Variants in ADAMTSL1 observed in about 807,000 individuals in gnomAD.
The protein encoded by ADAMTSL1 is ADAMTS like 1.
In ADAMTSL1, 126 loss-of-function variants were observed where a neutral mutation model predicts 201.8. The observed-to-expected ratio is 0.62, with a 90% CI of 0.54 to 0.72. The LOEUF is 0.72. Among genes scored for constraint, ADAMTSL1 ranks in the 30% least tolerant of loss-of-function variants. ADAMTSL1 has a pLI of 0.00. For missense variants in ADAMTSL1, 2,679 were observed against 2,277.8 expected, an observed-to-expected ratio of 1.18 and a Z score of -3.59; for synonymous variants, 1,121 against 903.4, an observed-to-expected ratio of 1.24 and a Z score of -4.32.
At chr9:17,935,547 C>T (rs1205343543) in intron 1 of ADAMTSL1, among the ~76,000 whole-genome samples, 1 of 152,060 alleles carries the variant, frequency 6.6e-6, no homozygotes, top group Non-Finnish European at 1.5e-5. Context: ...GCTCCCACTC[C>T]CCCAAAAGCA....
chr9:18,218,757 A>G (rs1830146667), intron 2 of ADAMTSL1, among the ~76,000 whole-genome samples: 1 of 151,866 alleles, frequency 6.6e-6, no homozygotes, highest in Admixed American at 6.6e-5. Context: ...TATAAATGTA[A>G]TTTTAATAGG....
At chr9:18,899,289 A>T (rs926637090) in intron 26 of ADAMTSL1, among the ~76,000 whole-genome samples, 3 of 152,226 alleles carry the variant, frequency 2.0e-5, no homozygotes, top group Non-Finnish European at 4.4e-5. Flanking sequence ...TGCTCGAGGA[A>T]ATCAGAGAGG....
chr9:17,984,602 G>A (rs1338342134), intron 1 of ADAMTSL1, among the ~76,000 whole-genome samples: 1 of 152,054 alleles, frequency 6.6e-6, no homozygotes, highest in Non-Finnish European at 1.5e-5. Flanking sequence ...AGTTACTTGT[G>A]TGACTATTTC....
At chr9:18,373,731 A>G (rs1281165023) in intron 2 of ADAMTSL1, among the ~76,000 whole-genome samples, 1 of 152,182 alleles carries the variant, frequency 6.6e-6, no homozygotes, top group African/African-American at 2.4e-5. Flanking sequence ...TACAAAGGAC[A>G]TAGCGTTGTC....
chr9:18,624,947 A>T (rs1333955324), intron 5 of ADAMTSL1, among the ~76,000 whole-genome samples: 1 of 152,234 alleles, frequency 6.6e-6, no homozygotes, highest in Non-Finnish European at 1.5e-5. Context: ...ATTGATATCA[A>T]TAAAGCCCAC....
chr9:18,626,592 G>A (rs576078846), intron 5 of ADAMTSL1, among the ~76,000 whole-genome samples: 1 of 152,292 alleles, frequency 6.6e-6, no homozygotes, highest in South Asian at 2.1e-4. Flanking sequence ...CAGATATTGT[G>A]GGGTTTTTTG....
intron 12 of ADAMTSL1, 125 bp from the exon 13 acceptor site, chr9:18,684,591 T>C: frequency 1.9e-6 from 2 of 1,078,822 alleles, no homozygotes; most frequent in Non-Finnish European, 2.5e-6. Context: ...AGGCAGCAAT[T>C]TACCCAAAAA....
intron 2 of ADAMTSL1, among the ~76,000 whole-genome samples, chr9:18,428,622 A>C (rs1229249197): frequency 6.6e-6 from 1 of 152,158 alleles, no homozygotes; most frequent in East Asian, 1.9e-4. Flanking sequence ...AGAAAAAAAC[A>C]AAAAACAAGA....
At chr9:18,545,477 G>C (rs1418351243) in intron 3 of ADAMTSL1, among the ~76,000 whole-genome samples, 1 of 151,940 alleles carries the variant, frequency 6.6e-6, no homozygotes, top group Non-Finnish European at 1.5e-5. Flanking sequence ...TTTAAGAAAA[G>C]AGATATTCAA....
At chr9:18,307,990 A>G (rs1200538657) in intron 2 of ADAMTSL1, among the ~76,000 whole-genome samples, 2 of 152,104 alleles carry the variant, frequency 1.3e-5, no homozygotes, top group Non-Finnish European at 2.9e-5. Flanking sequence ...ATCATAACAA[A>G]CAGTCTTACA....
chr9:17,998,390 G>A (rs1238918368), intron 1 of ADAMTSL1, among the ~76,000 whole-genome samples: 3 of 151,970 alleles, frequency 2.0e-5, no homozygotes, highest in East Asian at 1.9e-4. Flanking sequence ...GGGTAGATAG[G>A]GGAAGGCTGA....
At chr9:18,575,669 C>G (rs2132373133) in intron 4 of ADAMTSL1, among the ~76,000 whole-genome samples, 1 of 152,194 alleles carries the variant, frequency 6.6e-6, no homozygotes, top group Non-Finnish European at 1.5e-5. Context: ...AATAATAACT[C>G]CCTATGTATG....
chr9:18,166,912 G>A (rs753243144), intron 2 of ADAMTSL1, among the ~76,000 whole-genome samples: 31 of 151,820 alleles, frequency 2.0e-4, no homozygotes, highest in Non-Finnish European at 3.7e-4. Flanking sequence ...TTCTCAACGA[G>A]GACCTATTGG....
chr9:17,914,289 C>T (rs1311877797), intron 1 of ADAMTSL1, among the ~76,000 whole-genome samples: 6 of 151,132 alleles, frequency 4.0e-5, no homozygotes, highest in Admixed American at 6.6e-5. Flanking sequence ...ACTGGCAAAC[C>T]GAATCCAGCA....
intron 14 of ADAMTSL1, among the ~76,000 whole-genome samples, chr9:18,714,124 C>T (rs1272928391): frequency 6.6e-6 from 1 of 152,134 alleles, no homozygotes; most frequent in Admixed American, 6.6e-5. Context: ...ATTTATAGCA[C>T]TAAATGCCCA....
At chr9:18,521,911 A>G (rs1286851559) in intron 2 of ADAMTSL1, among the ~76,000 whole-genome samples, 2 of 152,174 alleles carry the variant, frequency 1.3e-5, no homozygotes, top group Non-Finnish European at 2.9e-5. Context: ...TTTCTCTCCC[A>G]TGTGAGGTAA....
intron 1 of ADAMTSL1, among the ~76,000 whole-genome samples, chr9:18,102,232 T>C (rs1052946443): frequency 1.3e-5 from 2 of 152,250 alleles, no homozygotes; most frequent in Non-Finnish European, 2.9e-5. Flanking sequence ...TTCATGGTTT[T>C]TTTCTGCCAT....
At chr9:18,717,917 T>C (rs997594042) in intron 14 of ADAMTSL1, 32 of 1,178,004 alleles carry the variant, frequency 2.7e-5, no homozygotes, top group South Asian at 6.1e-5. Context: ...GTTGGCACTA[T>C]TGAATTGGAC....
At chr9:18,190,756 T>A (rs1238101975) in intron 2 of ADAMTSL1, among the ~76,000 whole-genome samples, 1 of 152,196 alleles carries the variant, frequency 6.6e-6, no homozygotes, top group East Asian at 1.9e-4. Context: ...GTCCATTTGA[T>A]AACCATTCTC....
Sources: allele counts gnomAD v4.1 joint callset (sites outside exome capture counted in the v4.1 genomes callset), GRCh38; gene constraint gnomAD v4.1.1; transcripts MANE v1.5; gene names NCBI Gene and HGNC (gene_info 2026-07-23, HGNC 2026-07-21).